ITSN1: variants seen among roughly 807,000 people sequenced by gnomAD.
ITSN1 encodes intersectin 1.
ITSN1 carries 58 observed loss-of-function variants against 239.8 expected under a neutral mutation model. The observed-to-expected ratio is 0.24, with a 90% CI of 0.20 to 0.30. ITSN1 has a LOEUF of 0.30. Among genes scored for constraint, ITSN1 ranks in the 10% least tolerant of loss-of-function variants. ITSN1 has a pLI of 1.00. For synonymous variants in ITSN1, 780 were observed against 770.8 expected (o/e 1.01, Z -0.20); for missense variants, 1,558 against 2,103.3 (o/e 0.74, Z 5.07).
intron 1 of ITSN1, among the ~76,000 whole-genome samples, chr21:33,664,989 G>A (rs2089831090): frequency 6.6e-6 from 1 of 152,172 alleles, no homozygotes; most frequent in Non-Finnish European, 1.5e-5. Context: ...ACGTGGCCAG[G>A]CGCAGTGGCT....
chr21:33,678,177 C>T (rs1261635928), intron 1 of ITSN1, among the ~76,000 whole-genome samples: 5 of 152,062 alleles, frequency 3.3e-5, no homozygotes, highest in Admixed American at 3.3e-4. Context: ...AGGTTCTTTT[C>T]TTTCGTTGGG....
At chr21:33,845,303 G>A (rs959086408) in intron 29 of ITSN1, among the ~76,000 whole-genome samples, 2 of 151,918 alleles carry the variant, frequency 1.3e-5, no homozygotes, top group Non-Finnish European at 2.9e-5. Context: ...GAGCTTTCTC[G>A]GCCCAAGGGA....
chr21:33,875,092 T>C (rs947552427), intron 33 of ITSN1, among the ~76,000 whole-genome samples: 1 of 152,224 alleles, frequency 6.6e-6, no homozygotes, highest in African/African-American at 2.4e-5. Context: ...GCCCTGGACA[T>C]TCAGGGTGTG....
At position 33,856,786 on chromosome 21, in the gene ITSN1, C is replaced by T. The variant is rs997210138; in HGVS notation, c.3712C>T (p.Arg1238Ter). 3.7e-6 allele frequency: 6 copies of T among 1,614,024 alleles called. No individual in the cohort carries two copies. The highest frequency in any genetic ancestry group is 5.1e-6 in the Non-Finnish European group (6 of 1,179,980). The change falls in exon 30 of 40, where the codon CGA becomes TGA. Residue 1238 changes from arginine to a stop codon, truncating the protein, a stop_gained. Coordinates refer to ENST00000381318, the MANE Select transcript of ITSN1 (RefSeq NM_003024.3). LOFTEE classifies it high-confidence loss of function. ...TATGTTGACCCCAACTGAAAGAAAG[C>T]GACAAGGATACATCCACGAGCTCAT... ...LDMLTPTERK[R>*]QGYIHELIVT... is the part of the protein sequence containing the mutation.
rs534886881 is a variant in ITSN1, at chr21:33,890,790, C to T, written c.*2490C>T. On this transcript the variant is annotated 3_prime_UTR_variant, in exon 40 of 40. Coordinates refer to ENST00000381318, the MANE Select transcript of ITSN1 (RefSeq NM_003024.3). The stretch of plus-strand genomic sequence containing the variant: ...TCCTTGCCAACAAGGAGTCTGTCTC[C>T]TAGCTCTTTGTTTTCTAAATATAGG... The T allele has an allele frequency of 9.8e-5, 15 of 152,304 alleles. No individual in the cohort carries two copies. The highest frequency in any genetic ancestry group is 7.8e-4 in the Admixed American group (12 of 15,296). 9.4% of individuals were successfully genotyped at this position (152,304 alleles called of 1,614,324 possible).
At chr21:33,782,245 G>T in intron 16 of ITSN1, 112 bp downstream of exon 16, 1 of 1,072,996 alleles carries the variant, frequency 9.3e-7, no homozygotes, top group African/African-American at 1.6e-5. Context: ...GCCATTGTGA[G>T]ACAATCTAAA....
chr21:33,819,401 A>T, intron 24 of ITSN1, 78 bp downstream of exon 24: 1 of 1,028,466 alleles, frequency 9.7e-7, no homozygotes, highest in South Asian at 1.4e-5. Context: ...ATTGAATTTC[A>T]TCTTAAGATA....
chr21:33,892,401 A>C lies in ITSN1; in HGVS notation c.*4101A>C, dbSNP rs547277642. 1.3e-5 allele frequency: 2 copies of C among 152,196 alleles called. No homozygotes were observed. Among genetic ancestry groups the C allele is most frequent in the Non-Finnish European group, 2.9e-5 (2 of 68,026 alleles). The allele number at this position is 152,196 out of a possible 1,614,324, so 9.4% of individuals were successfully genotyped here. ...TCCATGAATGGCCCAGGGGCTGCTT[A>C]GTATATCATTAGAATGTTCATTCTC... On this transcript the variant is annotated 3_prime_UTR_variant, in exon 40 of 40. Coordinates refer to ENST00000381318, the MANE Select transcript of ITSN1 (RefSeq NM_003024.3).
chr21:33,805,057 G>A (rs2072306674), intron 20 of ITSN1, among the ~76,000 whole-genome samples: 1 of 152,148 alleles, frequency 6.6e-6, no homozygotes, highest in Non-Finnish European at 1.5e-5. Context: ...AACCATGCCA[G>A]GGCTCATCCC....
intron 7 of ITSN1, among the ~76,000 whole-genome samples, chr21:33,754,896 A>T (rs2067806024): frequency 6.6e-6 from 1 of 152,228 alleles, no homozygotes; most frequent in South Asian, 2.1e-4. Flanking sequence ...CTTTAAAGGC[A>T]GTTATTGGTT....
intron 4 of ITSN1, among the ~76,000 whole-genome samples, chr21:33,734,423 A>G (rs906906856): frequency 6.6e-6 from 1 of 152,172 alleles, no homozygotes; most frequent in Non-Finnish European, 1.5e-5. Flanking sequence ...AAAATTGTTG[A>G]GTGATATGGG....
chr21:33,872,560 C>A (rs1433094539), intron 33 of ITSN1, among the ~76,000 whole-genome samples: 1 of 152,108 alleles, frequency 6.6e-6, no homozygotes, highest in African/African-American at 2.4e-5. Context: ...GAGACAGAGT[C>A]TCGCTCTGTC....
At chr21:33,686,791 A>G (rs1296778863) in intron 1 of ITSN1, among the ~76,000 whole-genome samples, 2 of 152,220 alleles carry the variant, frequency 1.3e-5, no homozygotes, top group Admixed American at 1.3e-4. Flanking sequence ...CCTGGCATAA[A>G]TTAGAGAATT....
chr21:33,878,872 C>G (rs777577191), intron 34 of ITSN1, among the ~76,000 whole-genome samples: 1 of 152,200 alleles, frequency 6.6e-6, no homozygotes, highest in Non-Finnish European at 1.5e-5. Context: ...CTCCCACTCT[C>G]GAGGAGCTTA....
intron 1 of ITSN1, among the ~76,000 whole-genome samples, chr21:33,702,236 C>T (rs2092055948): frequency 6.6e-6 from 1 of 151,726 alleles, no homozygotes; most frequent in African/African-American, 2.4e-5. Context: ...CTGCACTCAG[C>T]CTCCTAAGTA....
At chr21:33,707,578 A>G (rs1438846385) in intron 1 of ITSN1, among the ~76,000 whole-genome samples, 1 of 152,124 alleles carries the variant, frequency 6.6e-6, no homozygotes, top group Non-Finnish European at 1.5e-5. Context: ...TCAGGAAACC[A>G]CTGATGGGGT....
At chr21:33,715,377 A>G (rs2065075882) in intron 1 of ITSN1, among the ~76,000 whole-genome samples, 1 of 152,160 alleles carries the variant, frequency 6.6e-6, no homozygotes, top group Non-Finnish European at 1.5e-5. Flanking sequence ...GCAACACAGT[A>G]AAAAAATGGA....
intron 11 of ITSN1, among the ~76,000 whole-genome samples, chr21:33,769,779 T>TC (rs2068993158): frequency 6.6e-6 from 1 of 151,626 alleles, no homozygotes; most frequent in South Asian, 2.1e-4. Flanking sequence ...CACTGCAGCC[T>TC]CCGCCTCCTG....
intron 30 of ITSN1, among the ~76,000 whole-genome samples, chr21:33,857,711 A>T (rs1191432027): frequency 6.6e-6 from 1 of 152,190 alleles, no homozygotes; most frequent in Non-Finnish European, 1.5e-5. Flanking sequence ...ATGCAAACTC[A>T]AAAAGGTGCC....
Sources: allele counts gnomAD v4.1 joint callset (sites outside exome capture counted in the v4.1 genomes callset), GRCh38; gene constraint gnomAD v4.1.1; transcripts MANE v1.5; gene names NCBI Gene and HGNC (gene_info 2026-07-23, HGNC 2026-07-21).